TMPRSS11A: variants seen among roughly 807,000 people sequenced by gnomAD.
The protein encoded by TMPRSS11A is transmembrane protease serine 11A.
TMPRSS11A carries 53 observed loss-of-function variants against 58.9 expected under a neutral mutation model. The ratio of observed to expected loss-of-function variants is 0.90; its 90% CI spans 0.72 to 1.13. The LOEUF (loss-of-function observed/expected upper bound fraction) is 1.13. TMPRSS11A is among the 50% of genes most tolerant of loss of function. TMPRSS11A has a pLI of 0.00. For missense variants in TMPRSS11A, 493 were observed against 499.3 expected (o/e 0.99, Z 0.12); for synonymous variants, 167 against 169.8 (o/e 0.98, Z 0.13).
At chr4:67,953,995 G>T (rs1489093044) in intron 1 of TMPRSS11A, among the ~76,000 whole-genome samples, 1 of 152,126 alleles carries the variant, frequency 6.6e-6, no homozygotes, top group Non-Finnish European at 1.5e-5. Flanking sequence ...AGAGGGAATT[G>T]CAGCATTAAA....
intron 3 of TMPRSS11A, among the ~76,000 whole-genome samples, chr4:67,935,163 A>C (rs190005307): frequency 6.6e-6 from 1 of 152,328 alleles, no homozygotes; most frequent in Non-Finnish European, 1.5e-5. Context: ...GATTGAACTC[A>C]AGGTAAAAAT....
At chr4:67,934,546 T>C (rs1720705180) in intron 3 of TMPRSS11A, among the ~76,000 whole-genome samples, 1 of 152,152 alleles carries the variant, frequency 6.6e-6, no homozygotes, top group Non-Finnish European at 1.5e-5. Flanking sequence ...ATCCTATCTC[T>C]CTCTTTAGGG....
At chr4:67,944,845 A>C (rs535290876) in intron 2 of TMPRSS11A, among the ~76,000 whole-genome samples, 1 of 152,292 alleles carries the variant, frequency 6.6e-6, no homozygotes, top group African/African-American at 2.4e-5. Flanking sequence ...TGTCCTGTGC[A>C]CTTTTTATGT....
intron 1 of TMPRSS11A, among the ~76,000 whole-genome samples, chr4:67,950,275 T>C (rs752564931): frequency 2.6e-5 from 4 of 152,232 alleles, no homozygotes; most frequent in Admixed American, 6.5e-5. Flanking sequence ...GAAGCTGAAC[T>C]GAGGTCTCTG....
chr4:67,931,652 G>C (rs1720624395), intron 4 of TMPRSS11A, among the ~76,000 whole-genome samples: 1 of 152,154 alleles, frequency 6.6e-6, no homozygotes, highest in South Asian at 2.1e-4. Flanking sequence ...ATATAACTTG[G>C]TGCATGCAAC....
At chr4:67,961,831 G>A (rs1486050496) in intron 1 of TMPRSS11A, among the ~76,000 whole-genome samples, 1 of 151,960 alleles carries the variant, frequency 6.6e-6, no homozygotes, top group Non-Finnish European at 1.5e-5. Context: ...TTATCAGCAG[G>A]TGTCACTGAT....
chr4:67,963,117 T>C (rs1365869678), intron 1 of TMPRSS11A, among the ~76,000 whole-genome samples: 5 of 152,386 alleles, frequency 3.3e-5, no homozygotes, highest in Non-Finnish European at 2.9e-5. Flanking sequence ...CAATGTAATA[T>C]AGTTTTTCAT....
intron 3 of TMPRSS11A, among the ~76,000 whole-genome samples, chr4:67,933,645 T>A (rs1720683413): frequency 6.6e-6 from 1 of 152,184 alleles, no homozygotes; most frequent in African/African-American, 2.4e-5. Context: ...GGGGTTCATC[T>A]GCTAGAAACA....
intron 3 of TMPRSS11A, among the ~76,000 whole-genome samples, chr4:67,938,363 T>C (rs150095311): frequency 6.6e-6 from 1 of 152,212 alleles, no homozygotes. Flanking sequence ...GGTTGTTTGT[T>C]TACTCTGTTG....
chr4:67,925,546 C>T (rs1341654392), intron 5 of TMPRSS11A, among the ~76,000 whole-genome samples: 1 of 152,164 alleles, frequency 6.6e-6, no homozygotes, highest in African/African-American at 2.4e-5. Context: ...AAAGTGGGAG[C>T]TTTTGAAAAT....
intron 8 of TMPRSS11A, among the ~76,000 whole-genome samples, chr4:67,918,264 C>T (rs563748577): frequency 2.5e-4 from 38 of 152,314 alleles, no homozygotes; most frequent in Non-Finnish European, 4.1e-4. Context: ...CAGAGCGTGT[C>T]TCACTAAGAT....
intron 1 of TMPRSS11A, among the ~76,000 whole-genome samples, chr4:67,953,724 G>A (rs1335945076): frequency 6.6e-6 from 1 of 152,172 alleles, no homozygotes; most frequent in Non-Finnish European, 1.5e-5. Context: ...CTTGGACCCA[G>A]GAGGCAGAGT....
chr4:67,920,551 T>TATATATATATATATA lies in TMPRSS11A; in HGVS notation c.693-1320_693-1319insTATATATATATATAT, dbSNP rs58054364. 2.7e-4 allele frequency among the ~76,000 whole-genome samples: 22 copies of TATATATATATATATA among 80,064 alleles called. No homozygotes were observed. The South Asian group carries it at 3.3e-3, about 12-fold the overall frequency. 52.5% of individuals were successfully genotyped at this position (80,064 alleles called of 152,430 possible). On this transcript the variant is annotated intron_variant, in intron 7 of 9. Transcript: ENST00000508048. The stretch of plus-strand genomic sequence containing the variant: ...ATTATATATATATATATATATATAT[T>TATATATATATATATA]TTTTTTTATATATACACACACACAT...
intron 3 of TMPRSS11A, among the ~76,000 whole-genome samples, chr4:67,936,307 G>A (rs138126258): frequency 4.0e-5 from 6 of 148,746 alleles, no homozygotes; most frequent in South Asian, 2.1e-4. Flanking sequence ...TTTTAAGTTC[G>A]TATCATATCT....
At chr4:67,922,664 T>C in intron 7 of TMPRSS11A, 91 bp downstream of exon 7, 2 of 1,245,218 alleles carry the variant, frequency 1.6e-6, no homozygotes, top group Admixed American at 4.8e-5. Context: ...TTTACTTCAG[T>C]AATATTTGAG....
chr4:67,940,247 A>G (rs1017295649), intron 3 of TMPRSS11A, among the ~76,000 whole-genome samples: 1 of 152,130 alleles, frequency 6.6e-6, no homozygotes, highest in Admixed American at 6.5e-5. Context: ...TGCTGACTTC[A>G]TAGAATGATT....
At chr4:67,925,007 A>G (rs1720429861) in intron 5 of TMPRSS11A, among the ~76,000 whole-genome samples, 1 of 150,676 alleles carries the variant, frequency 6.6e-6, no homozygotes, top group Admixed American at 6.6e-5. Context: ...AGGGTTTAGA[A>G]TGAAAAAACC....
chr4:67,927,267 G>T (rs1720499243), intron 5 of TMPRSS11A, among the ~76,000 whole-genome samples: 1 of 152,196 alleles, frequency 6.6e-6, no homozygotes, highest in African/African-American at 2.4e-5. Flanking sequence ...GCCCTTTAGG[G>T]ATCCCAGACC....
At chr4:67,913,418 G>A (rs994935466) in intron 9 of TMPRSS11A, among the ~76,000 whole-genome samples, 2 of 152,056 alleles carry the variant, frequency 1.3e-5, no homozygotes, top group Admixed American at 6.6e-5. Context: ...TACCTGAACC[G>A]CTGCCCTGAT....
Sources: allele counts gnomAD v4.1 joint callset (sites outside exome capture counted in the v4.1 genomes callset), GRCh38; gene constraint gnomAD v4.1.1; transcripts MANE v1.5; gene names NCBI Gene and HGNC (gene_info 2026-07-23, HGNC 2026-07-21).